RNF220: variants seen among roughly 807,000 people sequenced by gnomAD.
The protein encoded by RNF220 is E3 ubiquitin-protein ligase RNF220.
In RNF220, 7 loss-of-function variants were observed where a neutral mutation model predicts 67.1. The observed-to-expected ratio is 0.10, with a 90% confidence interval of 0.06 to 0.20. The LOEUF is 0.20. RNF220 is among the 10% of genes least tolerant of loss of function. The probability of loss-of-function intolerance (pLI) is 1.00; values close to 1 mark genes in which losing one functional copy is unlikely to be tolerated. For synonymous variants in RNF220, 270 were observed against 283.2 expected, an observed-to-expected ratio of 0.95 and a Z score of 0.47; for missense variants, 565 against 740.3, an observed-to-expected ratio of 0.76 and a Z score of 2.75.
In RNF220 at chr1:44,650,398, C is replaced by G. The variant is rs941707027; in HGVS notation, c.1630-306C>G. 4 of 506,854 alleles carry G rather than the reference C, an allele frequency of 7.9e-6. No homozygotes were observed. The highest frequency in any genetic ancestry group is 2.3e-5 in the South Asian group (1 of 43,238). The allele number at this position is 506,854 out of a possible 1,614,324, so 31.4% of individuals were successfully genotyped here. On this transcript the variant is annotated intron_variant, in intron 14 of 14. Transcript: ENST00000361799. The surrounding 1 kb of genome is among the most constrained non-coding windows in gnomAD (Gnocchi z 4.3). ...GTAATAAAAGGCTCGGACGTGGGCT[C>G]TGTGTCCTGATCAAAGGCCGCGTGT...
intron 2 of RNF220, among the ~76,000 whole-genome samples, chr1:44,594,629 A>T (rs1666348587): frequency 2.0e-5 from 3 of 152,164 alleles, no homozygotes; most frequent in Admixed American, 6.5e-5. Context: ...GCCCTGGCTC[A>T]GGCTGGTATC....
intron 2 of RNF220, among the ~76,000 whole-genome samples, chr1:44,548,562 C>T (rs1291672533): frequency 6.6e-6 from 1 of 152,090 alleles, no homozygotes; most frequent in African/African-American, 2.4e-5. Flanking sequence ...GGTATGATTG[C>T]ACCTCACCAC....
At chr1:44,535,058 G>A (rs1283153016) in intron 2 of RNF220, among the ~76,000 whole-genome samples, 1 of 151,986 alleles carries the variant, frequency 6.6e-6, no homozygotes, top group African/African-American at 2.4e-5. Context: ...TTCATCGGGG[G>A]TAGGGGCTGG....
intron 2 of RNF220, among the ~76,000 whole-genome samples, chr1:44,603,097 G>T (rs533928943): frequency 2.6e-5 from 4 of 152,280 alleles, no homozygotes; most frequent in South Asian, 2.1e-4. Flanking sequence ...GACAAATAAG[G>T]TTTCCCAACG....
At chr1:44,558,933 T>G (rs1488710482) in intron 2 of RNF220, among the ~76,000 whole-genome samples, 1 of 152,228 alleles carries the variant, frequency 6.6e-6, no homozygotes, top group African/African-American at 2.4e-5. Context: ...CCATGATGCA[T>G]TCCCATAAAG....
chr1:44,591,380 C>A (rs1429282771), intron 2 of RNF220, among the ~76,000 whole-genome samples: 1 of 152,264 alleles, frequency 6.6e-6, no homozygotes, highest in Non-Finnish European at 1.5e-5. Context: ...TGCGCAATGC[C>A]CTTGCAGGCC....
intron 2 of RNF220, among the ~76,000 whole-genome samples, chr1:44,598,434 C>G (rs1300389194): frequency 1.3e-5 from 2 of 152,208 alleles, no homozygotes; most frequent in African/African-American, 4.8e-5. Context: ...CTCCACGACA[C>G]TAAACCTTCA....
intron 1 of RNF220, among the ~76,000 whole-genome samples, chr1:44,406,584 C>T (rs1378197359): frequency 2.0e-5 from 3 of 152,252 alleles, no homozygotes; most frequent in Non-Finnish European, 4.4e-5. Context: ...CGCTGCGGTC[C>T]TGCGGCCACT....
chr1:44,587,084 G>GT (rs11338729), intron 2 of RNF220, among the ~76,000 whole-genome samples: 27 of 146,332 alleles, frequency 1.8e-4, no homozygotes, highest in Non-Finnish European at 3.6e-4. Flanking sequence ...AGTTCCTTCT[G>GT]TTTTTTTTAA....
At chr1:44,588,002 T>C (rs1431124825) in intron 2 of RNF220, among the ~76,000 whole-genome samples, 1 of 152,168 alleles carries the variant, frequency 6.6e-6, no homozygotes, top group Non-Finnish European at 1.5e-5. Context: ...ATTGCCTGTG[T>C]CATTGCCTAC....
intron 2 of RNF220, among the ~76,000 whole-genome samples, chr1:44,524,859 G>C (rs899438346): frequency 2.0e-5 from 3 of 152,168 alleles, no homozygotes; most frequent in African/African-American, 7.2e-5. Context: ...TATTTAAGAC[G>C]CTAAGAGCCC....
chr1:44,636,741 G>A (rs1331597281), intron 8 of RNF220, among the ~76,000 whole-genome samples: 2 of 152,210 alleles, frequency 1.3e-5, no homozygotes, highest in Non-Finnish European at 2.9e-5. Flanking sequence ...CCTCTGCCCT[G>A]AAGCAAGAGG....
intron 6 of RNF220, chr1:44,635,131 TC>T: frequency 6.2e-6 from 1 of 160,560 alleles, no homozygotes; most frequent in Non-Finnish European, 1.4e-5. Context: ...AGTCAGGCCA[TC>T]GGAGGGGTTA....
At chr1:44,504,137 C>T (rs546090826) in intron 2 of RNF220, among the ~76,000 whole-genome samples, 3 of 152,070 alleles carry the variant, frequency 2.0e-5, no homozygotes, top group Admixed American at 6.5e-5. Flanking sequence ...CATGAGCCAC[C>T]GTGCCCGGCC....
chr1:44,493,463 A>G (rs781785), intron 2 of RNF220, among the ~76,000 whole-genome samples: 147,959 of 152,214 alleles, frequency 0.97, 72,050 homozygotes, highest in Non-Finnish European at 1. Flanking sequence ...GCGGTGAGCC[A>G]AGATCGTGCC....
chr1:44,523,232 G>A (rs1027721293), intron 2 of RNF220, among the ~76,000 whole-genome samples: 3 of 152,158 alleles, frequency 2.0e-5, no homozygotes, highest in South Asian at 4.1e-4. Context: ...ATGGCTCCCC[G>A]AGCACTCCTG....
chr1:44,503,023 T>C (rs1658066634), intron 2 of RNF220, among the ~76,000 whole-genome samples: 1 of 152,056 alleles, frequency 6.6e-6, no homozygotes, highest in Admixed American at 6.6e-5. Context: ...TTTACTTTAA[T>C]GTTGGGTGCA....
chr1:44,632,734 C>T (rs1332631931), intron 6 of RNF220: 2 of 393,970 alleles, frequency 5.1e-6, no homozygotes, highest in Non-Finnish European at 9.5e-6. Flanking sequence ...CTGCAGGGCG[C>T]TGAGAATGTT....
At chr1:44,530,336 C>G (rs1156292129) in intron 2 of RNF220, among the ~76,000 whole-genome samples, 1 of 152,084 alleles carries the variant, frequency 6.6e-6, no homozygotes, top group African/African-American at 2.4e-5. Flanking sequence ...CAATGGGTTA[C>G]CACTGTGGGT....
Sources: gnomAD v4.1 joint callset for allele counts (sites outside exome capture counted in the v4.1 genomes callset) on GRCh38, gnomAD v4.1.1 for gene constraint, Gnocchi (gnomAD v3.1) non-coding constraint, MANE v1.5 for transcripts, NCBI Gene and HGNC (gene_info 2026-07-23, HGNC 2026-07-21) for gene names.